Variants in AGO3 observed in about 807,000 individuals in gnomAD.
AGO3 encodes protein argonaute-3.
In AGO3, 16 loss-of-function variants were observed where a neutral mutation model predicts 105.5. That is an observed-to-expected ratio of 0.15 (90% CI 0.10 to 0.23). The LOEUF is 0.23. Among genes scored for constraint, AGO3 ranks in the 10% least tolerant of loss-of-function variants. The pLI, the probability that AGO3 is intolerant of heterozygous loss-of-function variation, is 1.00. For missense variants in AGO3, 534 were observed against 1,088.0 expected, an observed-to-expected ratio of 0.49 and a Z score of 7.16; for synonymous variants, 340 against 367.3, an observed-to-expected ratio of 0.93 and a Z score of 0.85.
chr1:36,043,159 A>T lies in AGO3; in HGVS notation c.2173-288A>T, dbSNP rs1017720205. 3.3e-5 allele frequency: 9 copies of T among 275,236 alleles called. No individual in the cohort carries two copies. The East Asian group carries it at 3.5e-4, about 11-fold the overall frequency. The allele number at this position is 275,236 out of a possible 1,614,324, so 17.0% of individuals were successfully genotyped here. A position where few individuals can be genotyped will look rare whatever the true frequency, so the allele number is the denominator to read the frequency against. On this transcript the variant is annotated intron_variant, in intron 16 of 18. Coordinates refer to ENST00000373191, the MANE Select transcript of AGO3 (RefSeq NM_024852.4). ...AAATTGGAGCACTTTAAGTTAATTTAAAAAAAATTTTTTTTAGTGTCTTCC... is the reference window on the plus strand; with the variant it reads ...AAATTGGAGCACTTTAAGTTAATTTTAAAAAAATTTTTTTTAGTGTCTTCC...
At chr1:36,016,277 G>A (rs113382153) in intron 11 of AGO3, among the ~76,000 whole-genome samples, 575 of 152,278 alleles carry the variant, frequency 3.8e-3, no homozygotes, top group Admixed American at 9.5e-3. Flanking sequence ...CGCCTCTCAG[G>A]TTCAAGCGGT....
chr1:35,933,427 G>C (rs1258565713), intron 1 of AGO3, among the ~76,000 whole-genome samples: 1 of 151,922 alleles, frequency 6.6e-6, no homozygotes, highest in Admixed American at 6.6e-5. Context: ...ATGATCGCTT[G>C]AGCCCAGCAG....
At chr1:35,970,817 C>T (rs1409836223) in intron 3 of AGO3, among the ~76,000 whole-genome samples, 2 of 151,658 alleles carry the variant, frequency 1.3e-5, no homozygotes, top group Non-Finnish European at 2.9e-5. Flanking sequence ...GCAGCCTCAA[C>T]CTCTCAGGCT....
At chr1:35,955,554 G>A (rs1018313552) in intron 2 of AGO3, among the ~76,000 whole-genome samples, 11 of 151,394 alleles carry the variant, frequency 7.3e-5, no homozygotes, top group African/African-American at 2.7e-4. Flanking sequence ...AAGTTGCAGT[G>A]TGCTGAAAAT....
intron 5 of AGO3, among the ~76,000 whole-genome samples, chr1:35,996,150 G>A (rs1396131626): frequency 6.6e-6 from 1 of 151,750 alleles, no homozygotes; most frequent in Non-Finnish European, 1.5e-5. Context: ...ACCAGCCTGG[G>A]CAACATAGTA....
chr1:36,003,998 A>G (rs1640229120), intron 5 of AGO3: 1 of 161,154 alleles, frequency 6.2e-6, no homozygotes, highest in Admixed American at 6.4e-5. Flanking sequence ...CTATTAAAAA[A>G]AGAAAAAAAG....
At chr1:35,952,144 CTTTCTTTT>C (rs1223232941) in intron 2 of AGO3, among the ~76,000 whole-genome samples, 14 of 67,966 alleles carry the variant, frequency 2.1e-4, no homozygotes, top group South Asian at 5.3e-4. Flanking sequence ...TTCTTTCTTT[CTTTCTTTT>C]TTTTTTTTTT....
chr1:36,033,486 TA>T (rs879885489), intron 12 of AGO3, among the ~76,000 whole-genome samples: 67 of 134,260 alleles, frequency 5.0e-4, no homozygotes, highest in Admixed American at 7.4e-4. Flanking sequence ...TCTACTTAAA[TA>T]AAAAAAAAAA....
chr1:36,057,502 A>C lies in AGO3; in HGVS notation c.*1757A>C, dbSNP rs377456879. ...AATCATGTTTATTTTAAGAACTGAC[A>C]ACTTGTTTTTGCTATCTTTTAGTGC... On this transcript the variant is annotated 3_prime_UTR_variant, in exon 19 of 19. Transcript: ENST00000373191. 2 of 152,132 alleles carry C rather than the reference A, an allele frequency of 1.3e-5. No individual in the cohort carries two copies. Among genetic ancestry groups the C allele is most frequent in the African/African-American group, 4.8e-5 (2 of 41,444 alleles). The allele number at this position is 152,132 out of a possible 1,614,324, so 9.4% of individuals were successfully genotyped here.
chr1:35,982,036 G>A (rs1647062576), intron 5 of AGO3, among the ~76,000 whole-genome samples: 1 of 152,018 alleles, frequency 6.6e-6, no homozygotes, highest in African/African-American at 2.4e-5. Context: ...TGTTTTTGTT[G>A]CTCTGTACAG....
chr1:36,009,247 A>T lies in AGO3; in HGVS notation c.1029+203A>T, dbSNP rs961718567. On this transcript the variant is annotated intron_variant, in intron 8 of 18. Transcript: ENST00000373191. ...TACCACTCTAATGTAACCACTGTTAACATTTTGGTATACTATACTTCTTTC... is the reference window on the plus strand; with the variant it reads ...TACCACTCTAATGTAACCACTGTTATCATTTTGGTATACTATACTTCTTTC... The T allele has an allele frequency of 4.8e-6, 4 of 834,068 alleles. No homozygotes were observed. The African/African-American group carries it at 7.1e-5, about 15-fold the overall frequency. The allele number at this position is 834,068 out of a possible 1,614,324, so 51.7% of individuals were successfully genotyped here.
rs1186827284 is a variant in AGO3, at chr1:36,040,360, A to G, written c.2091A>G (p.Lys697=). The change falls in exon 16 of 19, where the codon AAA becomes AAG. Residue 697 remains lysine, a synonymous_variant. Transcript: ENST00000373191. ...GAGAAGCCTGCATCAGTTTGGAGAA[A>G]GACTATCAACCTGGAATAACCTACA... ...AIREACISLE[K]DYQPGITYIV... The G allele has an allele frequency of 1.9e-6, 3 of 1,613,930 alleles. No individual in the cohort carries two copies. Among genetic ancestry groups the G allele is most frequent in the East Asian group, 2.2e-5 (1 of 44,846 alleles).
chr1:36,019,149 G>A lies in AGO3; in HGVS notation c.1406+5101G>A, dbSNP rs1641076506. On this transcript the variant is annotated intron_variant, in intron 11 of 18. Transcript: ENST00000373191. ...ATCATGAAGGGTTTGCTTGTCCTGA[G>A]TCAGTGGTCCATGAAAAGCTTTCTT... Among the ~76,000 whole-genome samples, 3 of 152,138 alleles carry A rather than the reference G, an allele frequency of 2.0e-5. No individual in the cohort carries two copies. The South Asian group carries it at 6.2e-4, about 32-fold the overall frequency.
chr1:36,034,585 G>A (rs1477792520), intron 13 of AGO3, among the ~76,000 whole-genome samples: 2 of 152,164 alleles, frequency 1.3e-5, no homozygotes, highest in African/African-American at 4.8e-5. Flanking sequence ...AACAAAAGCA[G>A]AGATTTACTG....
Position 35,952,171 on chromosome 1 carries a change from G to C in AGO3, c.191+6308G>C, listed in dbSNP as rs557285199. On this transcript the variant is annotated intron_variant, in intron 2 of 18. Coordinates refer to ENST00000373191, the MANE Select transcript of AGO3 (RefSeq NM_024852.4). ...TTCTTTTTTTTTTTTTTTTTTGACA[G>C]AGTCTCGCTCTGTCACCTAGGCTAG... 1.1e-4 allele frequency among the ~76,000 whole-genome samples: 12 copies of C among 105,888 alleles called. No homozygotes were observed. The East Asian group carries it at 3.2e-3, about 29-fold the overall frequency. 69.5% of individuals were successfully genotyped at this position (105,888 alleles called of 152,430 possible).
chr1:35,959,806 T>C (rs1020619247), intron 2 of AGO3, among the ~76,000 whole-genome samples: 11 of 152,142 alleles, frequency 7.2e-5, no homozygotes, highest in African/African-American at 2.7e-4. Context: ...AACATTGTAG[T>C]GTATTCATTT....
chr1:36,029,269 A>G (rs989343402), intron 12 of AGO3, among the ~76,000 whole-genome samples: 3 of 152,206 alleles, frequency 2.0e-5, no homozygotes, highest in East Asian at 1.9e-4. Context: ...CAAAGAAAAT[A>G]TAATTTTCAA....
At position 36,008,945 on chromosome 1, in the gene AGO3, G is replaced by A. The variant is rs753247568; in HGVS notation, c.930G>A (p.Ala310=). The change falls in exon 8 of 19, where the codon GCG becomes GCA. Residue 310 remains alanine, a synonymous_variant. Transcript: ENST00000373191. The surrounding 1 kb of genome is among the most constrained non-coding windows in gnomAD (Gnocchi z 5.1). ...ENGQTVERTV[A]QYFREKYTLQ... ...GCCAAACTGTGGAGAGAACAGTAGC[G>A]CAGTATTTCAGAGAAAAGTATACTC... 6.1e-5 allele frequency: 98 copies of A among 1,613,640 alleles called. 1 individual carries two copies. In the Middle Eastern group the frequency reaches 3.1e-3, roughly 52 times the overall value.
chr1:36,022,098 C>T (rs1440382201), intron 11 of AGO3, among the ~76,000 whole-genome samples: 1 of 131,158 alleles, frequency 7.6e-6, no homozygotes, highest in East Asian at 2.4e-4. Context: ...TAGGGCCTCA[C>T]TCTTTTGCCC....
Sources: gnomAD v4.1 joint callset for allele counts (sites outside exome capture counted in the v4.1 genomes callset) on GRCh38, gnomAD v4.1.1 for gene constraint, Gnocchi (gnomAD v3.1) non-coding constraint, MANE v1.5 for transcripts, NCBI Gene and HGNC (gene_info 2026-07-23, HGNC 2026-07-21) for gene names.